The following GNG4 variants were observed in gnomAD, a reference collection of about 807,000 sequenced individuals.
GNG4 encodes the protein guanine nucleotide-binding protein G(I)/G(S)/G(O) subunit gamma-4.
A neutral mutation model predicts 5.8 loss-of-function variants in GNG4; 4 were observed. The ratio of observed to expected loss-of-function variants is 0.69; its 90% CI spans 0.34 to 1.57. The LOEUF (loss-of-function observed/expected upper bound fraction) is 1.57, where lower values mean the gene tolerates loss of function less well. Ranked by LOEUF, GNG4 falls within the 40% of genes most tolerant of loss-of-function variation. The probability of loss-of-function intolerance (pLI) is 0.06; values close to 1 mark genes in which losing one functional copy is unlikely to be tolerated. For synonymous variants in GNG4, 29 were observed against 32.9 expected (o/e 0.88, Z 0.41); for missense variants, 96 against 95.1 (o/e 1.01, Z -0.04).
intron 1 of GNG4, among the ~76,000 whole-genome samples, chr1:235,611,328 G>C (rs1688471947): frequency 6.6e-6 from 1 of 151,836 alleles, no homozygotes; most frequent in African/African-American, 2.4e-5. Context: ...CCACCATGCT[G>C]GACTAATTTT....
At chr1:235,580,744 T>TG (rs1160831931) in intron 3 of GNG4, among the ~76,000 whole-genome samples, 4 of 133,780 alleles carry the variant, frequency 3.0e-5, no homozygotes, top group Admixed American at 7.3e-5. Flanking sequence ...ATCCCGTTTT[T>TG]TGTTTTTTTT....
chr1:235,641,628 T>G (rs1657332725), intron 1 of GNG4, among the ~76,000 whole-genome samples: 1 of 152,126 alleles, frequency 6.6e-6, no homozygotes, highest in Non-Finnish European at 1.5e-5. Context: ...GAGGTGCAGG[T>G]TGCAGTGAGC....
rs1222457051 is a variant in GNG4, at chr1:235,644,203, C to G, written c.-123+5459G>C. Among the ~76,000 whole-genome samples the G allele has an allele frequency of 6.6e-6, 1 of 152,204 alleles. No individual in the cohort carries two copies. Among genetic ancestry groups the G allele is most frequent in the Non-Finnish European group, 1.5e-5 (1 of 68,044 alleles). Reference sequence around the variant, plus strand: ...GCAAAAGAGGCCAGTGACTCTGTCTCCATCAGATAAAATTCAGCCACAGCG... The same window carrying G: ...GCAAAAGAGGCCAGTGACTCTGTCTGCATCAGATAAAATTCAGCCACAGCG... On this transcript the variant is annotated intron_variant, in intron 1 of 3. Coordinates refer to ENST00000391854, the MANE Select transcript of GNG4 (RefSeq NM_001098722.2). The surrounding 1 kb of genome is among the most constrained non-coding windows in gnomAD (Gnocchi z 5.9).
At chr1:235,583,341 T>C (rs993457007) in intron 3 of GNG4, among the ~76,000 whole-genome samples, 2 of 152,190 alleles carry the variant, frequency 1.3e-5, no homozygotes, top group African/African-American at 4.8e-5. Context: ...CAGGCATGGT[T>C]CAGAGCTCCA....
intron 1 of GNG4, among the ~76,000 whole-genome samples, chr1:235,599,724 C>T (rs897548159): frequency 3.9e-5 from 6 of 152,168 alleles, no homozygotes; most frequent in Admixed American, 3.3e-4. Context: ...AGATGAAGAG[C>T]CTGGCTGAAG....
chr1:235,573,072 C>T (rs1462922879), intron 3 of GNG4, among the ~76,000 whole-genome samples: 1 of 151,952 alleles, frequency 6.6e-6, no homozygotes, highest in East Asian at 1.9e-4. Context: ...GACTTGGAAC[C>T]AACCCAAATG....
At chr1:235,585,851 G>A (rs1353810268) in intron 2 of GNG4, among the ~76,000 whole-genome samples, 1 of 152,072 alleles carries the variant, frequency 6.6e-6, no homozygotes, top group African/African-American at 2.4e-5. Context: ...AGATTCTTAA[G>A]TAATTTTGGA....
At chr1:235,571,291 A>C (rs1188176897) in intron 3 of GNG4, among the ~76,000 whole-genome samples, 2 of 152,234 alleles carry the variant, frequency 1.3e-5, no homozygotes, top group African/African-American at 4.8e-5. Flanking sequence ...CTCTGGAGAC[A>C]CACTCCCTGG....
At chr1:235,553,779 A>T (rs424086) in intron 3 of GNG4, among the ~76,000 whole-genome samples, 118,431 of 152,124 alleles carry the variant, frequency 0.78, 47,106 homozygotes, top group African/African-American at 0.94. Context: ...AGGCTTCTAG[A>T]TCTACCCCCG....
chr1:235,576,344 G>C (rs751792852), intron 3 of GNG4, among the ~76,000 whole-genome samples: 2 of 152,018 alleles, frequency 1.3e-5, no homozygotes, highest in Non-Finnish European at 2.9e-5. Flanking sequence ...TTATAGGCGT[G>C]AGCCACCGCG....
chr1:235,586,678 T>C (rs915272593), intron 2 of GNG4, among the ~76,000 whole-genome samples: 1 of 152,074 alleles, frequency 6.6e-6, no homozygotes, highest in Non-Finnish European at 1.5e-5. Flanking sequence ...TGTTTAAAAG[T>C]GTGTGTCGCC....
intron 1 of GNG4, among the ~76,000 whole-genome samples, chr1:235,638,011 G>T (rs992936014): frequency 3.9e-5 from 6 of 152,220 alleles, no homozygotes; most frequent in African/African-American, 1.4e-4. Flanking sequence ...TGACCAAGAA[G>T]AGCTTCCCGG....
chr1:235,646,643 G>A (rs1312157263), intron 1 of GNG4, among the ~76,000 whole-genome samples: 2 of 152,092 alleles, frequency 1.3e-5, no homozygotes, highest in Admixed American at 6.5e-5. Context: ...CTCACTCCTG[G>A]GCACCCAGGG....
At chr1:235,588,699 C>G (rs1006319026) in intron 2 of GNG4, among the ~76,000 whole-genome samples, 1 of 152,098 alleles carries the variant, frequency 6.6e-6, no homozygotes, top group Non-Finnish European at 1.5e-5. Context: ...TCATCTCCCC[C>G]TCCCTTCATC....
At chr1:235,641,442 G>A (rs1165676808) in intron 1 of GNG4, among the ~76,000 whole-genome samples, 1 of 152,142 alleles carries the variant, frequency 6.6e-6, no homozygotes, top group Non-Finnish European at 1.5e-5. Flanking sequence ...CGTAATCCCA[G>A]CACTTTGGGA....
chr1:235,549,627 A>G lies in GNG4; in HGVS notation c.*2482T>C, dbSNP rs1314089845. The G allele has an allele frequency of 7.5e-6, 1 of 133,404 alleles. No homozygotes were observed. Among genetic ancestry groups the G allele is most frequent in the Non-Finnish European group, 1.8e-5 (1 of 56,846 alleles). 8.3% of individuals were successfully genotyped at this position (133,404 alleles called of 1,614,324 possible). A position where few individuals can be genotyped will look rare whatever the true frequency, so the allele number is the denominator to read the frequency against. On this transcript the variant is annotated 3_prime_UTR_variant, in exon 4 of 4. Transcript: ENST00000391854. ...GTCCTAGCGTCACATCCAGCATACA[A>G]TTCTGCTCTAGTTTGAGCATCTTAA...
At chr1:235,609,323 C>T (rs1017375432) in intron 1 of GNG4, among the ~76,000 whole-genome samples, 2 of 152,106 alleles carry the variant, frequency 1.3e-5, no homozygotes, top group Non-Finnish European at 1.5e-5. Context: ...CTGCCACGAA[C>T]ATGTATTTGA....
intron 1 of GNG4, among the ~76,000 whole-genome samples, chr1:235,611,642 G>GT (rs1404544490): frequency 5.9e-5 from 9 of 152,262 alleles, no homozygotes; most frequent in African/African-American, 2.2e-4. Flanking sequence ...CAGGTGGGTT[G>GT]TTTTTTAGCA....
intron 1 of GNG4, among the ~76,000 whole-genome samples, chr1:235,621,048 C>T (rs987685924): frequency 6.6e-6 from 1 of 151,996 alleles, no homozygotes; most frequent in African/African-American, 2.4e-5. Context: ...AGGCAGGCTG[C>T]CCCTGTCCTT....
Sources: gnomAD v4.1 joint callset for allele counts (sites outside exome capture counted in the v4.1 genomes callset) on GRCh38, gnomAD v4.1.1 for gene constraint, Gnocchi (gnomAD v3.1) non-coding constraint, MANE v1.5 for transcripts, NCBI Gene and HGNC (gene_info 2026-07-23, HGNC 2026-07-21) for gene names.